Variants in NBEA observed in about 807,000 individuals in gnomAD.
NBEA encodes lysosomal-trafficking regulator 2.
A neutral mutation model predicts 343.4 loss-of-function variants in NBEA; 44 were observed. The observed-to-expected ratio is 0.13, with a 90% CI of 0.10 to 0.16. NBEA has a LOEUF of 0.16. NBEA is among the 10% of genes least tolerant of loss of function. NBEA has a pLI of 1.00. For missense variants in NBEA, 2,555 were observed against 3,631.3 expected, an observed-to-expected ratio of 0.70 and a Z score of 7.62; for synonymous variants, 1,175 against 1,238.7, an observed-to-expected ratio of 0.95 and a Z score of 1.08.
chr13:35,406,051 A>G (rs1419101236), intron 38 of NBEA, among the ~76,000 whole-genome samples: 1 of 152,158 alleles, frequency 6.6e-6, no homozygotes, highest in Non-Finnish European at 1.5e-5. Context: ...AGGCTGAGTC[A>G]GAAAAAGAGC....
chr13:35,619,206 C>T (rs2082871214), intron 48 of NBEA, among the ~76,000 whole-genome samples: 1 of 151,842 alleles, frequency 6.6e-6, no homozygotes, highest in African/African-American at 2.4e-5. Context: ...TTCAAAATAT[C>T]AAGATAGACA....
chr13:35,492,255 C>T (rs1244719326), intron 41 of NBEA, among the ~76,000 whole-genome samples: 1 of 151,842 alleles, frequency 6.6e-6, no homozygotes, highest in Non-Finnish European at 1.5e-5. Context: ...GTATACTGCT[C>T]AAGAGATGGG....
intron 41 of NBEA, among the ~76,000 whole-genome samples, chr13:35,498,991 A>G (rs929566681): frequency 7.2e-5 from 11 of 152,104 alleles, no homozygotes; most frequent in African/African-American, 2.7e-4. Flanking sequence ...CAATTGAAGA[A>G]TAGGTATTAT....
At chr13:35,008,423 A>G (rs1373438531) in intron 1 of NBEA, among the ~76,000 whole-genome samples, 2 of 152,190 alleles carry the variant, frequency 1.3e-5, no homozygotes, top group Non-Finnish European at 2.9e-5. Flanking sequence ...AATGGCCTAT[A>G]CAATGTAAAT....
At chr13:35,144,192 A>G (rs536128132) in intron 18 of NBEA, among the ~76,000 whole-genome samples, 91 of 152,284 alleles carry the variant, frequency 6.0e-4, no homozygotes, top group Admixed American at 8.5e-4. Context: ...GAGTGTGGGT[A>G]TACTTAAGAG....
At chr13:35,530,803 A>G (rs1356382507) in intron 41 of NBEA, among the ~76,000 whole-genome samples, 1 of 152,224 alleles carries the variant, frequency 6.6e-6, no homozygotes, top group Non-Finnish European at 1.5e-5. Flanking sequence ...AAAGGTTAAG[A>G]GTTTTTTTAG....
At chr13:34,951,041 C>A (rs1483833152) in intron 1 of NBEA, among the ~76,000 whole-genome samples, 15 of 152,102 alleles carry the variant, frequency 9.9e-5, no homozygotes, top group Admixed American at 9.8e-4. Flanking sequence ...CTTAAATGCT[C>A]TTTCTGGGCT....
chr13:34,999,306 G>A (rs1048011659), intron 1 of NBEA, among the ~76,000 whole-genome samples: 7 of 151,994 alleles, frequency 4.6e-5, no homozygotes, highest in Admixed American at 4.6e-4. Context: ...AGGGTAAATA[G>A]GGTATCCATC....
At chr13:35,472,627 G>C (rs2075704070) in intron 41 of NBEA, 91 bp downstream of exon 41, 1 of 1,301,186 alleles carries the variant, frequency 7.7e-7, no homozygotes, top group African/African-American at 1.5e-5. Context: ...CAGTGGAGGA[G>C]GGGAGCACAT....
At chr13:35,649,901 A>T (rs1039842280) in intron 52 of NBEA, 54 bp downstream of exon 52, 2 of 1,446,614 alleles carry the variant, frequency 1.4e-6, no homozygotes, top group Non-Finnish European at 1.8e-6. Context: ...GCTACAATTA[A>T]AGTAAAAAAG....
chr13:35,164,653 C>T lies in NBEA; in HGVS notation c.4233+144C>T. The T allele has an allele frequency of 5.6e-6, 5 of 888,532 alleles. No individual in the cohort carries two copies. In the South Asian group the frequency reaches 8.0e-5, roughly 14 times the overall value. 55.0% of individuals were successfully genotyped at this position (888,532 alleles called of 1,614,324 possible). A position where few individuals can be genotyped will look rare whatever the true frequency, so the allele number is the denominator to read the frequency against. ...TAACCATTTAAATTTCTATTTCCACCACTTTTGTTTATCAGTGTTGGGTTC... is the reference window on the plus strand; with the variant it reads ...TAACCATTTAAATTTCTATTTCCACTACTTTTGTTTATCAGTGTTGGGTTC... On this transcript the variant is annotated intron_variant, in intron 24 of 58. Transcript: ENST00000379939.
At chr13:35,197,973 G>A (rs2072743272) in intron 31 of NBEA, among the ~76,000 whole-genome samples, 1 of 152,182 alleles carries the variant, frequency 6.6e-6, no homozygotes, top group African/African-American at 2.4e-5. Context: ...TTAGAGAGTA[G>A]TAAGAAGATG....
At chr13:34,990,030 G>A (rs1055346364) in intron 1 of NBEA, among the ~76,000 whole-genome samples, 16 of 151,192 alleles carry the variant, frequency 1.1e-4, no homozygotes, top group African/African-American at 3.4e-4. Context: ...ACTGATGCAA[G>A]GGGTAGGCTC....
At chr13:34,954,405 T>C (rs950611618) in intron 1 of NBEA, among the ~76,000 whole-genome samples, 6 of 152,218 alleles carry the variant, frequency 3.9e-5, no homozygotes, top group Admixed American at 2.6e-4. Context: ...TTGTGGTGTT[T>C]AGTGAACTTT....
chr13:35,568,214 C>G (rs1405079264), intron 45 of NBEA, among the ~76,000 whole-genome samples: 2 of 152,090 alleles, frequency 1.3e-5, no homozygotes, highest in East Asian at 3.8e-4. Context: ...ATGCGTCATT[C>G]AGTATCCAAT....
intron 48 of NBEA, among the ~76,000 whole-genome samples, chr13:35,617,555 G>C (rs1030542923): frequency 2.6e-5 from 4 of 152,168 alleles, no homozygotes; most frequent in African/African-American, 9.7e-5. Context: ...CAGAATTAGA[G>C]CTAAAGGAAA....
intron 49 of NBEA, among the ~76,000 whole-genome samples, chr13:35,631,638 T>TAAAAAAAA (rs59333937): frequency 6.7e-4 from 85 of 126,444 alleles, no homozygotes; most frequent in African/African-American, 2.3e-3. Context: ...GTCTCCTTTG[T>TAAAAAAAA]AAAAAAAAAA....
At chr13:35,489,187 G>A (rs2076411795) in intron 41 of NBEA, among the ~76,000 whole-genome samples, 1 of 151,730 alleles carries the variant, frequency 6.6e-6, no homozygotes, top group African/African-American at 2.4e-5. Flanking sequence ...CTTTCTTGCA[G>A]TTTGTATCTT....
intron 46 of NBEA, among the ~76,000 whole-genome samples, chr13:35,584,629 A>C (rs1367354311): frequency 6.6e-6 from 1 of 151,582 alleles, no homozygotes; most frequent in Non-Finnish European, 1.5e-5. Context: ...CCTCCAGAGT[A>C]GTTGGGATTA....
Sources: gnomAD v4.1 joint callset for allele counts (sites outside exome capture counted in the v4.1 genomes callset) on GRCh38, gnomAD v4.1.1 for gene constraint, MANE v1.5 for transcripts, NCBI Gene and HGNC (gene_info 2026-07-23, HGNC 2026-07-21) for gene names.